The following MYCBPAP variants were observed in gnomAD, a reference collection of about 807,000 sequenced individuals.
MYCBPAP encodes MYCBP associated protein.
In MYCBPAP, 60 loss-of-function variants were observed where a neutral mutation model predicts 106.1. That is an observed-to-expected ratio of 0.57 (90% CI 0.46 to 0.70). MYCBPAP has a LOEUF of 0.70. Ranked by LOEUF, MYCBPAP falls within the 30% of genes least tolerant of loss-of-function variation. The probability of loss-of-function intolerance (pLI) is 0.00; values close to 1 mark genes in which losing one functional copy is unlikely to be tolerated. For synonymous variants in MYCBPAP, 407 were observed against 440.6 expected (o/e 0.92, Z 0.95); for missense variants, 1,064 against 1,169.3 (o/e 0.91, Z 1.31).
At chr17:50,519,262 G>C in intron 6 of MYCBPAP, 173 bp downstream of exon 6, 1 of 600,274 alleles carries the variant, frequency 1.7e-6, no homozygotes, top group Middle Eastern at 4.4e-4. Context: ...TATATGATTA[G>C]TCAGTAAAGT....
At chr17:50,515,490 G>A (rs2034016237) in intron 1 of MYCBPAP, among the ~76,000 whole-genome samples, 1 of 152,208 alleles carries the variant, frequency 6.6e-6, no homozygotes, top group Non-Finnish European at 1.5e-5. Context: ...GTGAAACCCT[G>A]TGCCTTCACC....
chr17:50,518,040 T>C (rs936175211), intron 4 of MYCBPAP, among the ~76,000 whole-genome samples: 1 of 152,206 alleles, frequency 6.6e-6, no homozygotes, highest in Non-Finnish European at 1.5e-5. Context: ...GATTTTCCCT[T>C]CTCTGGAGAC....
intron 18 of MYCBPAP, chr17:50,530,344 A>C (rs1259742277): frequency 7.4e-6 from 2 of 269,050 alleles, no homozygotes; most frequent in East Asian, 1.1e-4. Context: ...AAATTCAAAA[A>C]ATTAGCCAGG....
In MYCBPAP at chr17:50,523,781, G is replaced by A. The variant is rs1567892341; in HGVS notation, c.1632G>A (p.Leu544=). The A allele has an allele frequency of 1.9e-6, 3 of 1,613,636 alleles. No individual in the cohort carries two copies. Among genetic ancestry groups the A allele is most frequent in the Non-Finnish European group, 1.7e-6 (2 of 1,179,778 alleles). Residue 544 remains leucine, a synonymous_variant, in exon 12 of 19, where the codon CTG becomes CTA. Transcript: ENST00000323776. ...QDVFEDERKV[L]ESKLTAHEAV... Reference sequence around the variant, plus strand: ...TTTTTGAGGATGAGAGGAAAGTACTGGAGGTAAGGGACCCAGGACCATGGC... The same window carrying A: ...TTTTTGAGGATGAGAGGAAAGTACTAGAGGTAAGGGACCCAGGACCATGGC...
Position 50,524,866 on chromosome 17 carries a change from C to A in MYCBPAP, c.1636-11C>A. Reference sequence around the variant, plus strand: ...CTGGGCTGCCATCCTCTGCCACCTTCCCTTTTGCAGAGCAAGCTGACTGCC... The same window carrying A: ...CTGGGCTGCCATCCTCTGCCACCTTACCTTTTGCAGAGCAAGCTGACTGCC... On this transcript the variant is annotated splice_polypyrimidine_tract_variant and intron_variant, in intron 12 of 18. Transcript: ENST00000323776. 5 of 1,611,936 alleles carry A rather than the reference C, an allele frequency of 3.1e-6. No individual in the cohort carries two copies. The highest frequency in any genetic ancestry group is 1.1e-5 in the South Asian group (1 of 90,940).
chr17:50,527,430 C>G (rs777771138), intron 15 of MYCBPAP, 22 bp downstream of exon 15: 1 of 1,612,978 alleles, frequency 6.2e-7, no homozygotes, highest in Non-Finnish European at 8.5e-7. Context: ...GCCAGGAGAG[C>G]TGCCCCATCT....
Position 50,521,144 on chromosome 17 carries a change from C to T in MYCBPAP, c.951C>T (p.Tyr317=), listed in dbSNP as rs571413431. The T allele has an allele frequency of 1.7e-5, 27 of 1,613,680 alleles. No individual in the cohort carries two copies. The African/African-American group carries it at 3.2e-4, about 19-fold the overall frequency. The change falls in exon 8 of 19, where the codon TAC becomes TAT. Residue 317 remains tyrosine, a synonymous_variant. Transcript: ENST00000323776. ...LPAQRDASYR[Y]TWDRSLFLIY... is the part of the protein sequence containing the mutation. The stretch of plus-strand genomic sequence containing the variant: ...CCCAGAGGGACGCTTCATACCGCTA[C>T]ACCTGGGATCGGAGTCTGTTTCTGA...
rs111230561 is a variant in MYCBPAP, at chr17:50,529,292, A to G, written c.2724+104A>G. Reference sequence around the variant, plus strand: ...GCCCACTCCATCATGGTGGAAGCAGAGCTGCTTCAGGAAGGGCATCCTCGT... The same window carrying G: ...GCCCACTCCATCATGGTGGAAGCAGGGCTGCTTCAGGAAGGGCATCCTCGT... On this transcript the variant is annotated intron_variant, in intron 18 of 18. Coordinates refer to ENST00000323776, the MANE Select transcript of MYCBPAP (RefSeq NM_032133.6). 3,858 of 1,131,388 alleles carry G rather than the reference A, an allele frequency of 3.4e-3. 103 individuals are homozygous for G. The African/African-American group carries it at 0.054, about 16-fold the overall frequency. The allele number at this position is 1,131,388 out of a possible 1,614,324, so 70.1% of individuals were successfully genotyped here. A position where few individuals can be genotyped will look rare whatever the true frequency, so the allele number is the denominator to read the frequency against.
In MYCBPAP at chr17:50,527,343, C is replaced by T. The variant is rs148593348; in HGVS notation, c.2226C>T (p.Asn742=). 1.1e-3 allele frequency: 1,785 copies of T among 1,614,158 alleles called. 17 individuals are homozygous for T. In the Middle Eastern group the frequency reaches 0.032, roughly 28 times the overall value. The change falls in exon 15 of 19, where the codon AAC becomes AAT. Residue 742 remains asparagine (N), a synonymous_variant. Transcript: ENST00000323776. ...GAGAGGATGCGTTGATGAGGCTCAACAAAGCAGCCCTGGAGCTGTGCCAGA... is the reference window on the plus strand; with the variant it reads ...GAGAGGATGCGTTGATGAGGCTCAATAAAGCAGCCCTGGAGCTGTGCCAGA... The part of the protein sequence containing the change: ...NHREDALMRL[N]KAALELCQKP...
At chr17:50,521,835 G>A (rs1369286664) in intron 9 of MYCBPAP, 138 bp from the exon 10 acceptor site, 2 of 696,072 alleles carry the variant, frequency 2.9e-6, no homozygotes, top group East Asian at 5.4e-5. Flanking sequence ...GAAGCTGCGT[G>A]GGAGTGGAGT....
chr17:50,509,536 C>CTGTGTGTG (rs71353648), intron 1 of MYCBPAP: 6,150 of 150,990 alleles, frequency 0.041, 155 homozygotes, highest in East Asian at 0.084. Flanking sequence ...CTTTTTTTTT[C>CTGTGTGTG]TGTGTGTGTG....
chr17:50,512,154 C>T (rs944674626), intron 1 of MYCBPAP, among the ~76,000 whole-genome samples: 1 of 151,342 alleles, frequency 6.6e-6, no homozygotes, highest in African/African-American at 2.4e-5. Context: ...CCCGTGTTCA[C>T]GCCATTCTCC....
chr17:50,523,815 A>T, intron 12 of MYCBPAP, 31 bp downstream of exon 12: 1 of 1,593,478 alleles, frequency 6.3e-7, no homozygotes, highest in Non-Finnish European at 8.6e-7. Context: ...GCCCCTGTGG[A>T]CATCAGGTAG....
intron 7 of MYCBPAP, among the ~76,000 whole-genome samples, chr17:50,520,570 C>T (rs1345704753): frequency 1.3e-5 from 2 of 152,048 alleles, no homozygotes; most frequent in East Asian, 3.9e-4. Context: ...TGAATCCCAC[C>T]TGTTTCTTTT....
chr17:50,513,912 C>T lies in MYCBPAP; in HGVS notation c.77-2658C>T, dbSNP rs145717468. ...CATGGCGGCAGATGAGACTGGAACTCGGGGTTCAGCCGGCAGCCCTGCATG... is the reference window on the plus strand; with the variant it reads ...CATGGCGGCAGATGAGACTGGAACTTGGGGTTCAGCCGGCAGCCCTGCATG... On this transcript the variant is annotated intron_variant, in intron 1 of 18. Coordinates refer to ENST00000323776, the MANE Select transcript of MYCBPAP (RefSeq NM_032133.6). 3.3e-3 allele frequency among the ~76,000 whole-genome samples: 508 copies of T among 152,260 alleles called. 11 individuals carry two copies. Among genetic ancestry groups the T allele is most frequent in the Admixed American group, 0.031 (470 of 15,292 alleles).
chr17:50,509,337 T>C (rs1302642293), intron 1 of MYCBPAP: 1 of 577,606 alleles, frequency 1.7e-6, no homozygotes, highest in Non-Finnish European at 3.1e-6. Context: ...TCCAGCTCCT[T>C]TAGCCTGGAA....
At chr17:50,516,525 A>G in intron 1 of MYCBPAP, 45 bp from the exon 2 acceptor site, 2 of 1,602,528 alleles carry the variant, frequency 1.2e-6, no homozygotes, top group Non-Finnish European at 1.7e-6. Context: ...TGATATATAC[A>G]GAAGGAGCTC....
intron 7 of MYCBPAP, chr17:50,520,879 A>G (rs998458812): frequency 2.0e-6 from 1 of 505,776 alleles, no homozygotes; most frequent in East Asian, 3.5e-5. Flanking sequence ...TATTATTTTT[A>G]TTATAATCCA....
At chr17:50,510,390 AAAAAT>A (rs1597815512) in intron 1 of MYCBPAP, 1 of 150,924 alleles carries the variant, frequency 6.6e-6, no homozygotes, top group East Asian at 1.9e-4. Context: ...CCATTATTAA[AAAAAT>A]AAAAGTCCAA....
Sources: gnomAD v4.1 joint callset for allele counts (sites outside exome capture counted in the v4.1 genomes callset) on GRCh38, gnomAD v4.1.1 for gene constraint, MANE v1.5 for transcripts, NCBI Gene and HGNC (gene_info 2026-07-23, HGNC 2026-07-21) for gene names.